MITF: variants seen among roughly 807,000 people sequenced by gnomAD.
The protein encoded by MITF is microphthalmia-associated transcription factor.
In MITF, 17 loss-of-function variants were observed where a neutral mutation model predicts 60.5. The observed-to-expected ratio is 0.28, with a 90% CI of 0.19 to 0.42. The LOEUF is 0.42. Among genes scored for constraint, MITF ranks in the 10% least tolerant of loss-of-function variants. MITF has a pLI of 1.00. For missense variants in MITF, 622 were observed against 683.5 expected (o/e 0.91, Z 1.00); for synonymous variants, 260 against 248.5 (o/e 1.05, Z -0.43).
At chr3:69,746,648 G>A (rs1275829150) in intron 1 of MITF, among the ~76,000 whole-genome samples, 1 of 152,120 alleles carries the variant, frequency 6.6e-6, no homozygotes, top group Non-Finnish European at 1.5e-5. Context: ...CATGAAGACA[G>A]GTCAAAGATA....
At chr3:69,849,264 G>C (rs992170126) in intron 1 of MITF, among the ~76,000 whole-genome samples, 4 of 152,072 alleles carry the variant, frequency 2.6e-5, no homozygotes, top group Non-Finnish European at 4.4e-5. Flanking sequence ...GCGCCCGGCC[G>C]GGCAAAGATT....
chr3:69,874,814 T>G (rs968185521), intron 1 of MITF, among the ~76,000 whole-genome samples: 1 of 152,180 alleles, frequency 6.6e-6, no homozygotes, highest in African/African-American at 2.4e-5. Flanking sequence ...TTGAATTTAA[T>G]GGAATTTCTG....
chr3:69,845,436 TTCTTTC>T (rs1341612614), intron 1 of MITF, among the ~76,000 whole-genome samples: 40 of 110,730 alleles, frequency 3.6e-4, no homozygotes, highest in Admixed American at 1.3e-3. Context: ...TTTTTCTTTT[TTCTTTC>T]TTTTTTTTTT....
intron 2 of MITF, among the ~76,000 whole-genome samples, chr3:69,928,458 T>C (rs1444304919): frequency 6.6e-6 from 1 of 152,210 alleles, no homozygotes. Context: ...TTAAAAGTCT[T>C]CAGGAATCAG....
chr3:69,788,686 G>A (rs978188924), intron 1 of MITF, among the ~76,000 whole-genome samples: 1 of 152,064 alleles, frequency 6.6e-6, no homozygotes, highest in Non-Finnish European at 1.5e-5. Context: ...CACACTTTCT[G>A]GTTTCAAAAC....
At chr3:69,848,957 C>CTTTTTT (rs55969316) in intron 1 of MITF, among the ~76,000 whole-genome samples, 13 of 73,302 alleles carry the variant, frequency 1.8e-4, no homozygotes, top group Admixed American at 3.9e-4. Flanking sequence ...AAAGATTCTT[C>CTTTTTT]TTTTTTTTTT....
At chr3:69,791,143 C>A (rs1049488056) in intron 1 of MITF, among the ~76,000 whole-genome samples, 2 of 152,146 alleles carry the variant, frequency 1.3e-5, no homozygotes, top group South Asian at 2.1e-4. Context: ...AAGTCATGTT[C>A]TAAATATAGA....
At position 69,968,178 on chromosome 3, in the gene MITF, C is replaced by T. The variant is rs55983004; in HGVS notation, c.*2930C>T. ...GACAAATGACTGTCTCTTGCGGATG[C>T]TTGGTACTGTAATGTTAATAATAGT... is the stretch of plus-strand genomic sequence containing the variant. On this transcript the variant is annotated 3_prime_UTR_variant, in exon 10 of 10. Transcript: ENST00000352241. The T allele has an allele frequency of 8.6e-6, 2 of 232,956 alleles. No individual in the cohort carries two copies. The highest frequency in any genetic ancestry group is 1.7e-5 in the Non-Finnish European group (2 of 117,604). 14.4% of individuals were successfully genotyped at this position (232,956 alleles called of 1,614,324 possible). A position where few individuals can be genotyped will look rare whatever the true frequency, so the allele number is the denominator to read the frequency against.
intron 2 of MITF, among the ~76,000 whole-genome samples, chr3:69,899,468 G>GCTA (rs2064949689): frequency 6.6e-6 from 1 of 152,124 alleles, no homozygotes; most frequent in Non-Finnish European, 1.5e-5. Flanking sequence ...ATAGGCTAGG[G>GCTA]GAGCCACACC....
intron 3 of MITF, chr3:69,938,865 A>G (rs2065904663): frequency 1.4e-6 from 2 of 1,432,758 alleles, no homozygotes; most frequent in Non-Finnish European, 1.8e-6. Context: ...AGGGACTAAA[A>G]TCTTTGCCCC....
intron 1 of MITF, among the ~76,000 whole-genome samples, chr3:69,844,336 T>C (rs1559668678): frequency 6.6e-6 from 1 of 152,138 alleles, no homozygotes; most frequent in Non-Finnish European, 1.5e-5. Context: ...AACCATCTGA[T>C]CTTTGACAAA....
chr3:69,933,948 GT>G (rs1474990694), intron 2 of MITF, among the ~76,000 whole-genome samples: 4 of 152,274 alleles, frequency 2.6e-5, no homozygotes, highest in African/African-American at 4.8e-5. Flanking sequence ...GGCTTTTTAA[GT>G]TGTCAAAGGG....
chr3:69,867,396 CT>C (rs778229204), intron 1 of MITF, among the ~76,000 whole-genome samples: 46 of 152,104 alleles, frequency 3.0e-4, no homozygotes, highest in Non-Finnish European at 6.3e-4. Context: ...GTAGATACAT[CT>C]TTAAAAGGTC....
intron 9 of MITF, among the ~76,000 whole-genome samples, chr3:69,963,172 A>G (rs1323740689): frequency 6.6e-6 from 1 of 152,204 alleles, no homozygotes; most frequent in African/African-American, 2.4e-5. Flanking sequence ...CAACATTCAA[A>G]TGTTTTCCAG....
chr3:69,775,910 C>G (rs2062466212), intron 1 of MITF, among the ~76,000 whole-genome samples: 6 of 152,216 alleles, frequency 3.9e-5, no homozygotes, highest in Admixed American at 3.9e-4. Flanking sequence ...GGGCTTTTCC[C>G]AAGCTCGGTT....
chr3:69,936,309 A>C (rs549207921), intron 2 of MITF, among the ~76,000 whole-genome samples: 7 of 152,322 alleles, frequency 4.6e-5, no homozygotes, highest in South Asian at 2.1e-4. Context: ...TATTGCTGAA[A>C]GAGAAATACC....
At position 69,911,239 on chromosome 3, in the gene MITF, T is replaced by C. The variant is rs118185837; in HGVS notation, c.355-26583T>C. 3.1e-4 allele frequency among the ~76,000 whole-genome samples: 47 copies of C among 152,330 alleles called. No homozygotes were observed. In the East Asian group the frequency reaches 7.1e-3, roughly 23 times the overall value. On this transcript the variant is annotated intron_variant, in intron 2 of 9. Coordinates refer to ENST00000352241, the MANE Select transcript of MITF (RefSeq NM_001354604.2). ...CATCATTCTGAGGCCTCACCGGCCG[T>C]GTGGAACTGTAAGTCCAATTAAACC...
intron 1 of MITF, among the ~76,000 whole-genome samples, chr3:69,773,901 T>C (rs563829569): frequency 8.2e-4 from 125 of 152,284 alleles, no homozygotes; most frequent in African/African-American, 2.9e-3. Context: ...GAGCTATCAG[T>C]TGGGATACAG....
chr3:69,835,483 A>G (rs1019490193), intron 1 of MITF, among the ~76,000 whole-genome samples: 1 of 152,108 alleles, frequency 6.6e-6, no homozygotes, highest in Non-Finnish European at 1.5e-5. Flanking sequence ...AGTTTGATGT[A>G]ATCCCATTTG....
Sources: gnomAD v4.1 joint callset for allele counts (sites outside exome capture counted in the v4.1 genomes callset) on GRCh38, gnomAD v4.1.1 for gene constraint, MANE v1.5 for transcripts, NCBI Gene and HGNC (gene_info 2026-07-23, HGNC 2026-07-21) for gene names.